PCDHGA2: variants seen among roughly 807,000 people sequenced by gnomAD.
PCDHGA2 encodes protocadherin gamma subfamily A, 2.
In PCDHGA2, 40 loss-of-function variants were observed where a neutral mutation model predicts 59.2. That is an observed-to-expected ratio of 0.68 (90% CI 0.52 to 0.88). The LOEUF (loss-of-function observed/expected upper bound fraction) is 0.88. Among genes scored for constraint, PCDHGA2 ranks in the 40% least tolerant of loss-of-function variants. The pLI, the probability that PCDHGA2 is intolerant of heterozygous loss-of-function variation, is 0.00. For synonymous variants in PCDHGA2, 560 were observed against 526.0 expected, an observed-to-expected ratio of 1.06 and a Z score of -0.89; for missense variants, 1,226 against 1,204.0, an observed-to-expected ratio of 1.02 and a Z score of -0.27.
intron 1 of PCDHGA2, chr5:141,413,757 G>C (rs2095674818): frequency 1.2e-6 from 2 of 1,612,920 alleles, no homozygotes; most frequent in African/African-American, 2.7e-5. Flanking sequence ...ATGGCGTCAA[G>C]TACCCGGAGC....
intron 1 of PCDHGA2, chr5:141,413,112 G>A (rs1589839162): frequency 6.7e-7 from 1 of 1,502,662 alleles, no homozygotes; most frequent in East Asian, 2.3e-5. Flanking sequence ...GAAAGACAAA[G>A]GAACCGGTTG....
In PCDHGA2 at chr5:141,339,048, C is replaced by T; in HGVS notation, c.77C>T (p.Ala26Val). 6.2e-7 allele frequency: 1 copy of T among 1,610,090 alleles called. No individual in the cohort carries two copies. Among genetic ancestry groups the T allele is most frequent in the African/African-American group, 1.3e-5 (1 of 74,960 alleles). ...TTCCTTTTGGCGACCCTGTGGGAGG[C>T]CAGGGCCGGGCAGATTCGCTATTCT... Reference protein sequence around the residue: ...LCFLLATLWEARAGQIRYSVR... With the variant: ...LCFLLATLWEVRAGQIRYSVR... Residue 26 changes from alanine (A) to valine (V), a missense_variant, in exon 1 of 4, where the codon GCC becomes GTC. By Grantham distance (64) the Ala-to-Val change is moderately conservative. Coordinates refer to ENST00000394576, the MANE Select transcript of PCDHGA2 (RefSeq NM_018915.4).
At position 141,491,891 on chromosome 5, in the gene PCDHGA2, G is replaced by T. The variant is rs1487484740; in HGVS notation, c.2425-2916G>T. On this transcript the variant is annotated intron_variant, in intron 1 of 3. Coordinates refer to ENST00000394576, the MANE Select transcript of PCDHGA2 (RefSeq NM_018915.4). This position sits in a 1 kb window ranked among gnomAD's most constrained non-coding sequence, Gnocchi z 6.9. ...GTGGCCGATTAAGGGATGGGGCTCC[G>T]AGCACCGGGGGTGGTGGCGACTGTG... 19 of 1,439,438 alleles carry T rather than the reference G, an allele frequency of 1.3e-5. No homozygotes were observed. The East Asian group carries it at 4.8e-4, about 36-fold the overall frequency. 89.2% of individuals were successfully genotyped at this position (1,439,438 alleles called of 1,614,324 possible). A position where few individuals can be genotyped will look rare whatever the true frequency, so the allele number is the denominator to read the frequency against.
chr5:141,351,862 C>T (rs150984625), intron 1 of PCDHGA2: 33 of 1,613,236 alleles, frequency 2.0e-5, no homozygotes, highest in South Asian at 3.3e-5. Context: ...GGGACCAGGG[C>T]TCCCCCGCGC....
chr5:141,423,141 G>T (rs2096714253), intron 1 of PCDHGA2: 6 of 1,613,580 alleles, frequency 3.7e-6, no homozygotes, highest in East Asian at 2.2e-5. Context: ...ACAGAGACGC[G>T]CTCAAGCAGA....
chr5:141,394,514 C>T, intron 1 of PCDHGA2: 1 of 1,614,230 alleles, frequency 6.2e-7, no homozygotes. Flanking sequence ...ACCCCGCCCT[C>T]CCCACAGACG....
chr5:141,433,823 G>T (rs555746621), intron 1 of PCDHGA2, among the ~76,000 whole-genome samples: 2 of 144,288 alleles, frequency 1.4e-5, no homozygotes, highest in Non-Finnish European at 3.0e-5. Context: ...GGCAACAAGA[G>T]TGAAACTCTA....
At position 141,490,543 on chromosome 5, in the gene PCDHGA2, C is replaced by T; in HGVS notation, c.2425-4264C>T. 2 of 1,614,188 alleles carry T rather than the reference C, an allele frequency of 1.2e-6. No homozygotes were observed. Among genetic ancestry groups the T allele is most frequent in the Non-Finnish European group, 8.5e-7 (1 of 1,180,024 alleles). On this transcript the variant is annotated intron_variant, in intron 1 of 3. Transcript: ENST00000394576. The surrounding 1 kb of genome is among the most constrained non-coding windows in gnomAD (Gnocchi z 5.4). ...CAGCGATGCTGGTTCACCTTCCCTA[C>T]ACAAACATCTCACCATCAGGCTCAA...
In PCDHGA2 at chr5:141,399,479, C is replaced by T. The variant is rs774561101; in HGVS notation, c.2424+58084C>T. 3 of 1,614,032 alleles carry T rather than the reference C, an allele frequency of 1.9e-6. No individual in the cohort carries two copies. In the Admixed American group the frequency reaches 5.0e-5, roughly 27 times the overall value. On this transcript the variant is annotated intron_variant, in intron 1 of 3. Transcript: ENST00000394576. ...GATAACGCTCCGGTTTTCCACCAGG[C>T]GTCCTACTTAGTCAGTGTACCCGAA...
chr5:141,489,458 G>A lies in PCDHGA2; in HGVS notation c.2425-5349G>A, dbSNP rs143138320. 3.5e-5 allele frequency: 56 copies of A among 1,614,042 alleles called. No homozygotes were observed. The highest frequency in any genetic ancestry group is 8.0e-5 in the African/African-American group (6 of 75,052). ...CAATTGGGCTCTGAGGAGAATGGGC[G>A]CTATTTTTCCCTGAGCTTGATGAGT... is the stretch of plus-strand genomic sequence containing the variant. On this transcript the variant is annotated intron_variant, in intron 1 of 3. Transcript: ENST00000394576. This position sits in a 1 kb window ranked among gnomAD's most constrained non-coding sequence, Gnocchi z 4.5.
At chr5:141,437,986 C>T (rs2097921856) in intron 1 of PCDHGA2, among the ~76,000 whole-genome samples, 1 of 152,096 alleles carries the variant, frequency 6.6e-6, no homozygotes, top group African/African-American at 2.4e-5. Context: ...TGCACCCACC[C>T]CACCTCAGCC....
intron 1 of PCDHGA2, among the ~76,000 whole-genome samples, chr5:141,381,826 C>CTTCTTTTTT (rs1777532522): frequency 2.2e-4 from 16 of 74,296 alleles, no homozygotes; most frequent in African/African-American, 9.3e-4. Context: ...CTTTCTTCTT[C>CTTCTTTTTT]TTTTTTTTTT....
chr5:141,437,252 CTT>C (rs1030396727), intron 1 of PCDHGA2, among the ~76,000 whole-genome samples: 3 of 152,268 alleles, frequency 2.0e-5, no homozygotes, highest in Admixed American at 6.5e-5. Context: ...CTTTCCTTGT[CTT>C]TTTATGTGTA....
At chr5:141,454,047 T>C (rs896373946) in intron 1 of PCDHGA2, among the ~76,000 whole-genome samples, 6 of 152,122 alleles carry the variant, frequency 3.9e-5, no homozygotes, top group African/African-American at 7.2e-5. Flanking sequence ...AAGATAAAAG[T>C]GCAGCAAAGA....
At position 141,393,626 on chromosome 5, in the gene PCDHGA2, G is replaced by C. The variant is rs2092811511; in HGVS notation, c.2424+52231G>C. ...CTGTAACAGCCAGCGACCCGGATGA[G>C]GGAATCAACGGAAAAGTGGCATACA... On this transcript the variant is annotated intron_variant, in intron 1 of 3. Coordinates refer to ENST00000394576, the MANE Select transcript of PCDHGA2 (RefSeq NM_018915.4). 10 of 1,613,922 alleles carry C rather than the reference G, an allele frequency of 6.2e-6. No individual in the cohort carries two copies. The highest frequency in any genetic ancestry group is 8.5e-6 in the Non-Finnish European group (10 of 1,179,904).
At chr5:141,351,867 C>G (rs953262844) in intron 1 of PCDHGA2, 43 of 1,613,138 alleles carry the variant, frequency 2.7e-5, no homozygotes, top group Non-Finnish European at 3.6e-5. Flanking sequence ...CAGGGCTCCC[C>G]CGCGCTCAGC....
intron 1 of PCDHGA2, chr5:141,410,816 A>G (rs2095424614): frequency 1.8e-6 from 1 of 550,516 alleles, no homozygotes; most frequent in African/African-American, 2.1e-5. Flanking sequence ...TTTGTAAAAT[A>G]ATGTCACCAG....
At chr5:141,505,323 G>C in intron 2 of PCDHGA2, 70 bp from the exon 3 acceptor site, 1 of 1,606,758 alleles carries the variant, frequency 6.2e-7, no homozygotes, top group South Asian at 1.1e-5. Flanking sequence ...GGGAGCCCTG[G>C]GAGAGGACAG....
Position 141,486,294 on chromosome 5 carries a change from T to C in PCDHGA2, c.2425-8513T>C, listed in dbSNP as rs764106041. The C allele has an allele frequency of 1.2e-6, 2 of 1,614,036 alleles. No homozygotes were observed. The highest frequency in any genetic ancestry group is 1.7e-6 in the Non-Finnish European group (2 of 1,179,998). On this transcript the variant is annotated intron_variant, in intron 1 of 3. Transcript: ENST00000394576. The surrounding 1 kb of genome is among the most constrained non-coding windows in gnomAD (Gnocchi z 5.0). ...GGCACTGTGGTGGCACTTATCAGTG[T>C]GCAGGATCCAGACTCAGGGTCAAAC...
Sources: gnomAD v4.1 joint callset for allele counts (sites outside exome capture counted in the v4.1 genomes callset) on GRCh38, gnomAD v4.1.1 for gene constraint, Gnocchi (gnomAD v3.1) non-coding constraint, MANE v1.5 for transcripts, NCBI Gene and HGNC (gene_info 2026-07-23, HGNC 2026-07-21) for gene names.